The following LRRC4C variants were observed in gnomAD, a reference collection of about 807,000 sequenced individuals.
LRRC4C encodes the protein leucine-rich repeat-containing protein 4C.
LRRC4C carries 5 observed loss-of-function variants against 33.6 expected under a neutral mutation model. The ratio of observed to expected loss-of-function variants is 0.15; its 90% CI spans 0.08 to 0.31. The LOEUF is 0.31. Among genes scored for constraint, LRRC4C ranks in the 10% least tolerant of loss-of-function variants. The pLI, the probability that LRRC4C is intolerant of heterozygous loss-of-function variation, is 1.00. For missense variants in LRRC4C, 560 were observed against 796.7 expected, an observed-to-expected ratio of 0.70 and a Z score of 3.58; for synonymous variants, 329 against 302.0, an observed-to-expected ratio of 1.09 and a Z score of -0.93.
intron 6 of LRRC4C, among the ~76,000 whole-genome samples, chr11:40,138,932 C>T (rs1307739240): frequency 6.6e-6 from 1 of 152,188 alleles, no homozygotes; most frequent in East Asian, 1.9e-4. Flanking sequence ...AGAGTTCCTT[C>T]TTACCAACAT....
intron 2 of LRRC4C, among the ~76,000 whole-genome samples, chr11:40,648,937 A>G (rs1443494944): frequency 2.6e-5 from 4 of 152,150 alleles, no homozygotes; most frequent in Non-Finnish European, 4.4e-5. Flanking sequence ...TGAGTCACAA[A>G]ACCAGCAGGT....
chr11:40,449,234 G>A (rs934648095), intron 3 of LRRC4C, among the ~76,000 whole-genome samples: 3 of 150,816 alleles, frequency 2.0e-5, no homozygotes, highest in African/African-American at 4.9e-5. Context: ...GCAGAAGCTC[G>A]TCAGTAAGAA....
chr11:41,163,298 T>TTTTTTTTTTTTTTTTTC (rs1456325870), intron 1 of LRRC4C, among the ~76,000 whole-genome samples: 11 of 133,020 alleles, frequency 8.3e-5, no homozygotes, highest in Non-Finnish European at 1.8e-4. Context: ...TTTTTTTTTT[T>TTTTTTTTTTTTTTTTTC]TTTCAAACAG....
chr11:40,760,147 T>C (rs1032014746), intron 2 of LRRC4C, among the ~76,000 whole-genome samples: 1 of 152,010 alleles, frequency 6.6e-6, no homozygotes, highest in Non-Finnish European at 1.5e-5. Context: ...TCACTGCCTG[T>C]TTTTGTATAA....
At chr11:40,229,398 G>A (rs1052643810) in intron 5 of LRRC4C, among the ~76,000 whole-genome samples, 1 of 151,916 alleles carries the variant, frequency 6.6e-6, no homozygotes, top group South Asian at 2.1e-4. Context: ...TCAGCCTCTC[G>A]AGTAGCTGGG....
chr11:40,439,935 G>C (rs908249107), intron 3 of LRRC4C, among the ~76,000 whole-genome samples: 25 of 152,184 alleles, frequency 1.6e-4, no homozygotes, highest in African/African-American at 6.0e-4. Flanking sequence ...CATACCACCT[G>C]TCACTTGTTC....
chr11:41,242,504 T>C (rs1379605330), intron 1 of LRRC4C, among the ~76,000 whole-genome samples: 1 of 152,100 alleles, frequency 6.6e-6, no homozygotes, highest in African/African-American at 2.4e-5. Context: ...TTATGTATCT[T>C]ATCTTTTAAG....
chr11:41,119,587 A>G (rs1465358244), intron 1 of LRRC4C, among the ~76,000 whole-genome samples: 2 of 152,208 alleles, frequency 1.3e-5, no homozygotes, highest in African/African-American at 4.8e-5. Flanking sequence ...CAAAGTTTGA[A>G]GAGATTTGGC....
intron 6 of LRRC4C, among the ~76,000 whole-genome samples, chr11:40,118,983 G>A (rs891700113): frequency 3.3e-5 from 5 of 152,142 alleles, no homozygotes; most frequent in Non-Finnish European, 5.9e-5. Context: ...AGAAGCCAGT[G>A]CCAGAGAGCG....
intron 3 of LRRC4C, among the ~76,000 whole-genome samples, chr11:40,617,983 C>T (rs1962035937): frequency 6.6e-6 from 1 of 151,590 alleles, no homozygotes; most frequent in Non-Finnish European, 1.5e-5. Context: ...CCACCTCTCC[C>T]TTGTTCCTTC....
chr11:40,367,297 A>G (rs765012268), intron 3 of LRRC4C, among the ~76,000 whole-genome samples: 1 of 152,104 alleles, frequency 6.6e-6, no homozygotes, highest in African/African-American at 2.4e-5. Flanking sequence ...CTGATATAGA[A>G]CAACACAGAT....
At position 40,973,004 on chromosome 11, in the gene LRRC4C, T is replaced by G. The variant is rs562351670; in HGVS notation, c.-495-39281A>C. Among the ~76,000 whole-genome samples, 224 of 152,258 alleles carry G rather than the reference T, an allele frequency of 1.5e-3. 1 individual carries two copies. Among genetic ancestry groups the G allele is most frequent in the South Asian group, 5.2e-3 (25 of 4,824 alleles). Reference sequence around the variant, plus strand: ...GCTATCATTGCCAGTGAGTCTCTCCTGAGACCTGATTGTTTAAAAGTGTGT... The same window carrying G: ...GCTATCATTGCCAGTGAGTCTCTCCGGAGACCTGATTGTTTAAAAGTGTGT... On this transcript the variant is annotated intron_variant, in intron 1 of 6. Transcript: ENST00000528697.
chr11:40,692,213 A>G (rs555229200), intron 2 of LRRC4C, among the ~76,000 whole-genome samples: 4 of 152,010 alleles, frequency 2.6e-5, no homozygotes, highest in Admixed American at 2.6e-4. Flanking sequence ...TCAGCAGAAA[A>G]TGAATATGTA....
chr11:40,772,033 C>T (rs954569848), intron 2 of LRRC4C, among the ~76,000 whole-genome samples: 2 of 152,160 alleles, frequency 1.3e-5, no homozygotes, highest in African/African-American at 4.8e-5. Context: ...ATCTTTATAG[C>T]AGCAACCCAC....
chr11:41,039,868 G>A (rs778353443), intron 1 of LRRC4C, among the ~76,000 whole-genome samples: 4 of 151,966 alleles, frequency 2.6e-5, no homozygotes, highest in East Asian at 3.9e-4. Flanking sequence ...GAGGCTGAGC[G>A]CGGTGGCTCA....
chr11:40,532,585 G>T, intron 3 of LRRC4C, among the ~76,000 whole-genome samples: 1 of 152,034 alleles, frequency 6.6e-6, no homozygotes, highest in South Asian at 2.1e-4. Flanking sequence ...GAGACACAGG[G>T]ATATCTAGTG....
At chr11:40,842,901 T>G (rs964096129) in intron 2 of LRRC4C, among the ~76,000 whole-genome samples, 1 of 152,258 alleles carries the variant, frequency 6.6e-6, no homozygotes, top group Non-Finnish European at 1.5e-5. Flanking sequence ...ACACTCTTTT[T>G]GTAGAATTTG....
intron 3 of LRRC4C, among the ~76,000 whole-genome samples, chr11:40,603,299 G>A (rs958960395): frequency 1.3e-5 from 2 of 152,116 alleles, no homozygotes; most frequent in African/African-American, 4.8e-5. Flanking sequence ...AGTTGAAGTG[G>A]GTTTCTGAGC....
chr11:40,572,789 T>C (rs1246446530), intron 3 of LRRC4C, among the ~76,000 whole-genome samples: 1 of 152,200 alleles, frequency 6.6e-6, no homozygotes, highest in Non-Finnish European at 1.5e-5. Flanking sequence ...GACTTTAGCA[T>C]AAGAGTTTGA....
Sources: allele counts gnomAD v4.1 joint callset (sites outside exome capture counted in the v4.1 genomes callset), GRCh38; gene constraint gnomAD v4.1.1; transcripts MANE v1.5; gene names NCBI Gene and HGNC (gene_info 2026-07-23, HGNC 2026-07-21).